SLC39A8: variants seen among roughly 807,000 people sequenced by gnomAD.
SLC39A8 encodes the protein solute carrier family 39 member 8.
SLC39A8 carries 15 observed loss-of-function variants against 40.4 expected under a neutral mutation model. The ratio of observed to expected loss-of-function variants is 0.37; its 90% CI spans 0.25 to 0.57. The LOEUF is 0.57. SLC39A8 is among the 20% of genes least tolerant of loss of function. SLC39A8 has a pLI of 0.75. For synonymous variants in SLC39A8, 223 were observed against 221.6 expected, an observed-to-expected ratio of 1.01 and a Z score of -0.06; for missense variants, 472 against 558.8, an observed-to-expected ratio of 0.84 and a Z score of 1.57.
chr4:102,304,694 C>T (rs1285467172), intron 5 of SLC39A8, among the ~76,000 whole-genome samples: 1 of 151,386 alleles, frequency 6.6e-6, no homozygotes, highest in Non-Finnish European at 1.5e-5. Flanking sequence ...TGTTAGAACA[C>T]GTATACACTC....
intron 8 of SLC39A8, among the ~76,000 whole-genome samples, chr4:102,264,615 A>ACTT (rs34565127): frequency 0.73 from 110,088 of 151,756 alleles, 40,344 homozygotes; most frequent in Non-Finnish European, 0.78. Flanking sequence ...CCAGGCATTG[A>ACTT]CTTCTCTCTA....
chr4:102,283,362 G>C (rs980762403), intron 6 of SLC39A8, among the ~76,000 whole-genome samples: 1 of 152,182 alleles, frequency 6.6e-6, no homozygotes, highest in African/African-American at 2.4e-5. Flanking sequence ...CAAGAGAATT[G>C]AGTTTTTCAG....
At chr4:102,284,114 T>A (rs1011431268) in intron 6 of SLC39A8, among the ~76,000 whole-genome samples, 24 of 152,246 alleles carry the variant, frequency 1.6e-4, no homozygotes, top group African/African-American at 5.5e-4. Context: ...TTGTATTTTA[T>A]GTGTATAAAT....
intron 2 of SLC39A8, among the ~76,000 whole-genome samples, chr4:102,329,669 A>G (rs1735362977): frequency 1.3e-5 from 2 of 151,546 alleles, no homozygotes; most frequent in African/African-American, 4.8e-5. Flanking sequence ...TCAGCTCTGG[A>G]CCAAGCTGAG....
chr4:102,340,545 C>A, intron 2 of SLC39A8, among the ~76,000 whole-genome samples: 1 of 152,220 alleles, frequency 6.6e-6, no homozygotes. Context: ...ACAAAGGATA[C>A]GGTTTAAGAA....
At chr4:102,328,662 C>T (rs993353188) in intron 2 of SLC39A8, among the ~76,000 whole-genome samples, 2 of 152,184 alleles carry the variant, frequency 1.3e-5, no homozygotes, top group Non-Finnish European at 2.9e-5. Context: ...ATAGCGGAGG[C>T]TTTCCAGGTA....
At chr4:102,298,824 G>A (rs563938276) in intron 6 of SLC39A8, among the ~76,000 whole-genome samples, 1 of 152,152 alleles carries the variant, frequency 6.6e-6, no homozygotes, top group East Asian at 1.9e-4. Flanking sequence ...AAGTGATGCA[G>A]GACCCAGAAC....
At chr4:102,289,532 A>T (rs1339211444) in intron 6 of SLC39A8, among the ~76,000 whole-genome samples, 1 of 152,166 alleles carries the variant, frequency 6.6e-6, no homozygotes, top group Non-Finnish European at 1.5e-5. Flanking sequence ...ATCTCAGCAA[A>T]GGAAGTTGAA....
At position 102,344,532 on chromosome 4, in the gene SLC39A8, G is replaced by A. The variant is rs772391167; in HGVS notation, c.131C>T (p.Ser44Leu). The change falls in exon 2 of 9, where the codon TCG (serine) becomes TTG (leucine). Residue 44 changes from serine to leucine, a missense_variant. Ser to Leu is a moderately radical substitution (Grantham distance 145). This residue lies in a region of SLC39A8 where 175 missense variants were observed against 160.5 expected (regional missense o/e 1.09). Transcript: ENST00000356736. ...LSVFGANLSL[S>L]AAQLQHLLEQ... The stretch of plus-strand genomic sequence containing the variant: ...CAGCAAGTGCTGGAGCTGCGCCGCC[G>A]ACAGGCTCAGATTCGCGCCGAACAC... 5.1e-6 allele frequency: 8 copies of A among 1,558,942 alleles called. No homozygotes were observed. The East Asian group carries it at 1.2e-4, about 24-fold the overall frequency.
chr4:102,290,141 G>A (rs1232170009), intron 6 of SLC39A8, among the ~76,000 whole-genome samples: 3 of 152,106 alleles, frequency 2.0e-5, no homozygotes, highest in Non-Finnish European at 4.4e-5. Flanking sequence ...AACATCAGAG[G>A]CACGGCCCTC....
chr4:102,330,976 A>G (rs1020578748), intron 2 of SLC39A8, among the ~76,000 whole-genome samples: 1 of 152,134 alleles, frequency 6.6e-6, no homozygotes, highest in East Asian at 1.9e-4. Context: ...ATTCAACACC[A>G]CTTCATGCTA....
At position 102,335,803 on chromosome 4, in the gene SLC39A8, G is replaced by A. The variant is rs547768036; in HGVS notation, c.219+8641C>T. Among the ~76,000 whole-genome samples the A allele has an allele frequency of 4.6e-5, 7 of 152,276 alleles. No individual in the cohort carries two copies. In the South Asian group the frequency reaches 1.5e-3, roughly 32 times the overall value. On this transcript the variant is annotated intron_variant, in intron 2 of 8. Transcript: ENST00000356736. ...GTAAACTGTAAAAGCCTCTCTGAAG[G>A]TGAGTCACCATGGAAACCAAGACTG...
intron 2 of SLC39A8, among the ~76,000 whole-genome samples, chr4:102,338,599 A>G (rs1292010756): frequency 6.6e-6 from 1 of 152,190 alleles, no homozygotes; most frequent in Non-Finnish European, 1.5e-5. Context: ...GTAACCAGAT[A>G]GGCAGTCGAT....
At position 102,344,431 on chromosome 4, in the gene SLC39A8, C is replaced by T. The variant is rs1299040847; in HGVS notation, c.219+13G>A. 4 of 1,508,532 alleles carry T rather than the reference C, an allele frequency of 2.7e-6. No homozygotes were observed. The South Asian group carries it at 3.8e-5, about 14-fold the overall frequency. 93.4% of individuals were successfully genotyped at this position (1,508,532 alleles called of 1,614,324 possible). A position where few individuals can be genotyped will look rare whatever the true frequency, so the allele number is the denominator to read the frequency against. ...CCACAGTACGGAGGGCTGCCCGGAC[C>T]TGGCGGCCTTACCTGGTTGAAGTGC... On this transcript the variant is annotated intron_variant, in intron 2 of 8. Transcript: ENST00000356736.
At chr4:102,298,794 A>AGGC in intron 6 of SLC39A8, among the ~76,000 whole-genome samples, 1 of 49,162 alleles carries the variant, frequency 2.0e-5, no homozygotes, top group Non-Finnish European at 4.7e-5. Context: ...TGACTTCACA[A>AGGC]AGAAAGTCAA....
Position 102,304,349 on chromosome 4 carries a change from G to A in SLC39A8, c.808C>T (p.His270Tyr), listed in dbSNP as rs1219640461. The change falls in exon 6 of 9, where the codon CAT (histidine) becomes TAT (tyrosine). Residue 270 changes from histidine to tyrosine, a missense_variant. By Grantham distance (83) the His-to-Tyr change is moderately conservative. Transcript: ENST00000356736. Reference sequence around the variant, plus strand: ...GATACCACACTGACATTATCAAAATGGATATGTCCATTAGCTTCTGTGACA... The same window carrying A: ...GATACCACACTGACATTATCAAAATAGATATGTCCATTAGCTTCTGTGACA... ...PAVTEANGHI[H>Y]FDNVSVVSLQ... 5.0e-6 allele frequency: 8 copies of A among 1,611,180 alleles called. No individual in the cohort carries two copies. Among genetic ancestry groups the A allele is most frequent in the Non-Finnish European group, 6.8e-6 (8 of 1,178,034 alleles).
At chr4:102,259,778 C>G (rs917781239), downstream of SLC39A8, among the ~76,000 whole-genome samples, 3 of 152,188 alleles carry the variant, frequency 2.0e-5, no homozygotes, top group Non-Finnish European at 2.9e-5. Flanking sequence ...CACTGACTGG[C>G]TGTAATAACC....
chr4:102,332,390 T>G (rs1735505128), intron 2 of SLC39A8, among the ~76,000 whole-genome samples: 1 of 152,204 alleles, frequency 6.6e-6, no homozygotes, highest in African/African-American at 2.4e-5. Flanking sequence ...GACATTTATT[T>G]GGCCAAGAAA....
At chr4:102,288,095 T>C (rs1186241586) in intron 6 of SLC39A8, among the ~76,000 whole-genome samples, 1 of 152,178 alleles carries the variant, frequency 6.6e-6, no homozygotes, top group African/African-American at 2.4e-5. Flanking sequence ...TTGTGATTTT[T>C]ACAAATTGAA....
Sources: allele counts gnomAD v4.1 joint callset (sites outside exome capture counted in the v4.1 genomes callset), GRCh38; gene constraint gnomAD v4.1.1; regional missense constraint gnomAD v4.1.1; transcripts MANE v1.5; gene names NCBI Gene and HGNC (gene_info 2026-07-23, HGNC 2026-07-21).